PTGR2: variants seen among roughly 807,000 people sequenced by gnomAD.
PTGR2 encodes 15-oxoprostaglandin 13-reductase.
PTGR2 carries 32 observed loss-of-function variants against 43.4 expected under a neutral mutation model. That is an observed-to-expected ratio of 0.74 (90% CI 0.56 to 0.99). PTGR2 has a LOEUF of 0.99. Among genes scored for constraint, PTGR2 ranks in the 50% least tolerant of loss-of-function variants. The pLI, the probability that PTGR2 is intolerant of heterozygous loss-of-function variation, is 0.00. For synonymous variants in PTGR2, 106 were observed against 139.2 expected (o/e 0.76, Z 1.68); for missense variants, 373 against 420.0 (o/e 0.89, Z 0.98).
rs2055114998 is a variant in PTGR2, at chr14:73,885,689, A to G, written c.*1512A>G. 6.6e-6 allele frequency: 1 copy of G among 152,206 alleles called. No homozygotes were observed. The highest frequency in any genetic ancestry group is 2.1e-4 in the South Asian group (1 of 4,828). 9.4% of individuals were successfully genotyped at this position (152,206 alleles called of 1,614,324 possible). On this transcript the variant is annotated 3_prime_UTR_variant, in exon 10 of 10. Coordinates refer to ENST00000555661, the MANE Select transcript of PTGR2 (RefSeq NM_001146154.2). ...TGTATTTCTGACCTCTTTCTTGAGC[A>G]CTGGACCTTTACCTCCAAGTAAATA...
At position 73,881,263 on chromosome 14, in the gene PTGR2, A is replaced by C. The variant is rs757265786; in HGVS notation, c.910A>C (p.Ser304Arg). ...DKFEPGILQL[S>R]QWFKEGKLKI... Reference sequence around the variant, plus strand: ...ATTTGAGCCTGGCATTCTACAGCTGAGTCAGTGGTTTAAAGAAGGAAAGCT... The same window carrying C: ...ATTTGAGCCTGGCATTCTACAGCTGCGTCAGTGGTTTAAAGAAGGAAAGCT... The change falls in exon 8 of 10, where the codon AGT becomes CGT. Residue 304 changes from serine to arginine, a missense_variant. By Grantham distance (110) the Ser-to-Arg change is moderately radical. Transcript: ENST00000555661. The C allele has an allele frequency of 6.2e-6, 10 of 1,608,896 alleles. No homozygotes were observed. The Admixed American group carries it at 1.5e-4, about 24-fold the overall frequency.
At chr14:73,866,430 C>A (rs1343888307) in intron 3 of PTGR2, among the ~76,000 whole-genome samples, 1 of 152,134 alleles carries the variant, frequency 6.6e-6, no homozygotes, top group African/African-American at 2.4e-5. Flanking sequence ...AGCCACCCCA[C>A]CTGGCCTGTT....
At chr14:73,860,416 G>A (rs2054460586) in intron 2 of PTGR2, 123 bp from the exon 3 acceptor site, 3 of 508,462 alleles carry the variant, frequency 5.9e-6, no homozygotes, top group East Asian at 3.8e-5. Flanking sequence ...GCAGTAAGCC[G>A]AGATCGCGCC....
In PTGR2 at chr14:73,882,485, G is replaced by T. The variant is rs572563304; in HGVS notation, c.979+47G>T. ...TATATACACATGCTCAGCACACAAA[G>T]ATAAAGTCTCTTTATTTTTATTTAT... On this transcript the variant is annotated intron_variant, in intron 9 of 9. Coordinates refer to ENST00000555661, the MANE Select transcript of PTGR2 (RefSeq NM_001146154.2). 21 of 1,211,868 alleles carry T rather than the reference G, an allele frequency of 1.7e-5. No individual in the cohort carries two copies. In the South Asian group the frequency reaches 2.6e-4, roughly 15 times the overall value. 75.1% of individuals were successfully genotyped at this position (1,211,868 alleles called of 1,614,324 possible).
chr14:73,870,437 C>T (rs1214777899), intron 3 of PTGR2, among the ~76,000 whole-genome samples: 5 of 152,162 alleles, frequency 3.3e-5, no homozygotes, highest in Admixed American at 3.3e-4. Context: ...GCCTTGGCCT[C>T]CCAGAGTGCT....
intron 4 of PTGR2, among the ~76,000 whole-genome samples, chr14:73,876,038 C>T (rs2054856068): frequency 6.6e-6 from 1 of 151,092 alleles, no homozygotes; most frequent in African/African-American, 2.4e-5. Context: ...CCAGGCTGGT[C>T]TTGAACTCCT....
At chr14:73,876,139 A>C (rs893553513) in intron 4 of PTGR2, among the ~76,000 whole-genome samples, 2 of 152,132 alleles carry the variant, frequency 1.3e-5, no homozygotes, top group African/African-American at 4.8e-5. Flanking sequence ...TTTAATATAA[A>C]GAGAAGTAAT....
chr14:73,863,385 G>A (rs746597757), intron 3 of PTGR2, among the ~76,000 whole-genome samples: 11 of 151,582 alleles, frequency 7.3e-5, no homozygotes, highest in Admixed American at 2.6e-4. Flanking sequence ...CATAGCTCAC[G>A]GCTGCCTTGA....
intron 8 of PTGR2, among the ~76,000 whole-genome samples, chr14:73,881,909 G>A (rs1232611278): frequency 6.7e-6 from 1 of 150,208 alleles, no homozygotes; most frequent in Non-Finnish European, 1.5e-5. Flanking sequence ...TCAGCCTCCC[G>A]AGTAGCTGGG....
rs72627116 is a variant in PTGR2, at chr14:73,885,270, C to A, written c.*1093C>A. 6.6e-5 allele frequency: 10 copies of A among 152,100 alleles called. No homozygotes were observed. Among genetic ancestry groups the A allele is most frequent in the African/African-American group, 2.4e-4 (10 of 41,408 alleles). The allele number at this position is 152,100 out of a possible 1,614,324, so 9.4% of individuals were successfully genotyped here. A position where few individuals can be genotyped will look rare whatever the true frequency, so the allele number is the denominator to read the frequency against. On this transcript the variant is annotated 3_prime_UTR_variant, in exon 10 of 10. Coordinates refer to ENST00000555661, the MANE Select transcript of PTGR2 (RefSeq NM_001146154.2). ...CACCATTGCACTCCAGCCTGGGCGA[C>A]AAGAGTGAAATTCCATCTCAAAAAA...
Position 73,879,158 on chromosome 14 carries a change from C to T in PTGR2, c.582C>T (p.Ile194=). ...VGICGTHEKC[I]LLTSELGFDA... ...TTTGTGGAACACATGAGAAATGCAT[C>T]CTCTTGACCTCAGAACTGGGCTTTG... The change falls in exon 6 of 10, where the codon ATC becomes ATT. Residue 194 remains isoleucine, a synonymous_variant. Transcript: ENST00000555661. The T allele has an allele frequency of 6.2e-7, 1 of 1,614,054 alleles. No individual in the cohort carries two copies. Among genetic ancestry groups the T allele is most frequent in the Non-Finnish European group, 8.5e-7 (1 of 1,180,000 alleles).
chr14:73,866,993 G>T (rs1243007413), intron 3 of PTGR2, among the ~76,000 whole-genome samples: 2 of 149,730 alleles, frequency 1.3e-5, no homozygotes, highest in African/African-American at 4.9e-5. Context: ...GGAAGCTGAG[G>T]CAAGAGAATT....
At chr14:73,880,682 A>G (rs918421918) in intron 7 of PTGR2, among the ~76,000 whole-genome samples, 3 of 152,122 alleles carry the variant, frequency 2.0e-5, no homozygotes, top group African/African-American at 7.2e-5. Flanking sequence ...GAAAACTGAT[A>G]GTTATTGGCT....
In PTGR2 at chr14:73,852,799, G is replaced by A. The variant is rs1263186650; in HGVS notation, c.-48+856G>A. On this transcript the variant is annotated intron_variant, in intron 1 of 9. Coordinates refer to ENST00000555661, the MANE Select transcript of PTGR2 (RefSeq NM_001146154.2). ...AAAACCGGAAGGGGAGGAGAAGACT[G>A]GCAGAGAGATCCAGAAAGACACGTG... Among the ~76,000 whole-genome samples the A allele has an allele frequency of 2.6e-5, 4 of 152,180 alleles. No individual in the cohort carries two copies. The East Asian group carries it at 7.7e-4, about 29-fold the overall frequency.
At chr14:73,861,623 C>T (rs1228064316) in intron 3 of PTGR2, 2 of 152,084 alleles carry the variant, frequency 1.3e-5, no homozygotes, top group African/African-American at 4.8e-5. Flanking sequence ...GTAGTCCTAG[C>T]TACTCGAGAG....
chr14:73,868,682 A>G (rs1004930277), intron 3 of PTGR2, among the ~76,000 whole-genome samples: 1 of 151,958 alleles, frequency 6.6e-6, no homozygotes, highest in Non-Finnish European at 1.5e-5. Flanking sequence ...CCACCCCTGT[A>G]TATCAGAGCC....
intron 3 of PTGR2, among the ~76,000 whole-genome samples, chr14:73,865,983 G>A (rs535933182): frequency 1.3e-5 from 2 of 151,824 alleles, no homozygotes; most frequent in South Asian, 4.2e-4. Flanking sequence ...AAATGAGCAA[G>A]TGTGAGTCTT....
intron 7 of PTGR2, among the ~76,000 whole-genome samples, chr14:73,880,992 G>T (rs986682155): frequency 3.3e-5 from 5 of 152,092 alleles, no homozygotes; most frequent in Non-Finnish European, 7.4e-5. Context: ...AGAGACGGGG[G>T]TTTCACCGTG....
chr14:73,855,117 T>A (rs1417845220), intron 1 of PTGR2, among the ~76,000 whole-genome samples: 1 of 152,198 alleles, frequency 6.6e-6, no homozygotes, highest in Non-Finnish European at 1.5e-5. Context: ...GAATCCTGAT[T>A]TTAATGAACC....
Sources: allele counts gnomAD v4.1 joint callset (sites outside exome capture counted in the v4.1 genomes callset), GRCh38; gene constraint gnomAD v4.1.1; transcripts MANE v1.5; gene names NCBI Gene and HGNC (gene_info 2026-07-23, HGNC 2026-07-21).